SEMA5A: variants seen among roughly 807,000 people sequenced by gnomAD.
SEMA5A encodes semaphorin 5A, also known as semaphorin-5A.
In SEMA5A, 55 loss-of-function variants were observed where a neutral mutation model predicts 135.5. That is an observed-to-expected ratio of 0.41 (90% CI 0.33 to 0.51). The LOEUF is 0.51. Among genes scored for constraint, SEMA5A ranks in the 20% least tolerant of loss-of-function variants. The probability of loss-of-function intolerance (pLI) is 0.37; values close to 1 mark genes in which losing one functional copy is unlikely to be tolerated. For synonymous variants in SEMA5A, 580 were observed against 546.5 expected, an observed-to-expected ratio of 1.06 and a Z score of -0.85; for missense variants, 1,290 against 1,419.9, an observed-to-expected ratio of 0.91 and a Z score of 1.47.
rs200051910 is a variant in SEMA5A, at chr5:9,535,550, CTAGTT to C, written c.-175+10029_-175+10033del. ...GTGAAGAAAGCTTTAGAAAAAAATA[CTAGTT>C]TAAAGTATGTGTTGTTTAAAAAAAA... On this transcript the variant is annotated intron_variant, in intron 1 of 22. Coordinates refer to ENST00000382496, the MANE Select transcript of SEMA5A (RefSeq NM_003966.3). Among the ~76,000 whole-genome samples, 1,390 of 148,090 alleles carry C rather than the reference CTAGTT, an allele frequency of 9.4e-3. 22 individuals are homozygous for C. Among genetic ancestry groups the C allele is most frequent in the African/African-American group, 0.033 (1,311 of 39,522 alleles).
At chr5:9,515,798 G>A (rs559474585) in intron 1 of SEMA5A, among the ~76,000 whole-genome samples, 62 of 152,258 alleles carry the variant, frequency 4.1e-4, no homozygotes, top group South Asian at 2.1e-3. Flanking sequence ...ACTTAATCAT[G>A]GGATTTTAAT....
intron 10 of SEMA5A, among the ~76,000 whole-genome samples, chr5:9,191,278 C>T (rs1205919997): frequency 6.6e-6 from 1 of 152,082 alleles, no homozygotes; most frequent in Non-Finnish European, 1.5e-5. Flanking sequence ...CTGTACAATG[C>T]TGGGAAATAA....
chr5:9,336,880 C>T (rs1165029364), intron 4 of SEMA5A, among the ~76,000 whole-genome samples: 1 of 152,190 alleles, frequency 6.6e-6, no homozygotes, highest in Non-Finnish European at 1.5e-5. Context: ...ATAATGAACT[C>T]TCCACTGCCC....
chr5:9,405,971 G>T (rs902230189), intron 2 of SEMA5A, among the ~76,000 whole-genome samples: 1 of 152,186 alleles, frequency 6.6e-6, no homozygotes, highest in African/African-American at 2.4e-5. Flanking sequence ...ATGAATATCT[G>T]GGACCTGTCT....
intron 18 of SEMA5A, among the ~76,000 whole-genome samples, chr5:9,054,547 A>G (rs1484288106): frequency 6.6e-6 from 1 of 152,118 alleles, no homozygotes; most frequent in Non-Finnish European, 1.5e-5. Flanking sequence ...AATCAATCGT[A>G]TCTAAGTACA....
chr5:9,059,946 A>C (rs1432616307), intron 18 of SEMA5A, among the ~76,000 whole-genome samples: 1 of 152,236 alleles, frequency 6.6e-6, no homozygotes, highest in Non-Finnish European at 1.5e-5. Context: ...ACAGGGTTAA[A>C]GAAGAGTAAA....
intron 1 of SEMA5A, among the ~76,000 whole-genome samples, chr5:9,454,364 G>C (rs984457110): frequency 1.3e-5 from 2 of 152,178 alleles, no homozygotes; most frequent in Non-Finnish European, 2.9e-5. Flanking sequence ...TTACACTTGT[G>C]ATAATATATT....
intron 13 of SEMA5A, among the ~76,000 whole-genome samples, chr5:9,125,636 T>C (rs1428254328): frequency 6.6e-6 from 1 of 151,824 alleles, no homozygotes; most frequent in African/African-American, 2.4e-5. Flanking sequence ...ATACACTGGA[T>C]CCTACCCAAG....
intron 5 of SEMA5A, among the ~76,000 whole-genome samples, chr5:9,252,062 G>C (rs1011001091): frequency 6.6e-6 from 1 of 152,172 alleles, no homozygotes; most frequent in Non-Finnish European, 1.5e-5. Flanking sequence ...GAATGAGTTG[G>C]CAGGATCTCC....
intron 11 of SEMA5A, among the ~76,000 whole-genome samples, chr5:9,175,749 C>A (rs192184665): frequency 4.1e-4 from 62 of 152,326 alleles, no homozygotes; most frequent in African/African-American, 1.2e-3. Flanking sequence ...CAAACCAGAA[C>A]AATTTCTCCC....
chr5:9,352,353 T>G (rs1320840287), intron 3 of SEMA5A, among the ~76,000 whole-genome samples: 20 of 151,052 alleles, frequency 1.3e-4, no homozygotes, highest in Admixed American at 1.2e-3. Context: ...TATCTAGCTA[T>G]CTAGCTATCT....
At chr5:9,266,643 A>G (rs1805939) in intron 5 of SEMA5A, among the ~76,000 whole-genome samples, 45,760 of 152,120 alleles carry the variant, frequency 0.3, 7,272 homozygotes, top group Middle Eastern at 0.42. Flanking sequence ...ATAGCAATGA[A>G]ATAATTATAA....
intron 11 of SEMA5A, among the ~76,000 whole-genome samples, chr5:9,187,209 TA>T (rs201460141): frequency 6.0e-4 from 90 of 150,936 alleles, no homozygotes; most frequent in African/African-American, 1.8e-3. Context: ...GACTGTATGT[TA>T]AAAAAAAATA....
chr5:9,326,526 T>A lies in SEMA5A; in HGVS notation c.225-8109A>T, dbSNP rs1237597899. Among the ~76,000 whole-genome samples the A allele has an allele frequency of 2.6e-5, 4 of 151,952 alleles. No individual in the cohort carries two copies. The East Asian group carries it at 7.9e-4, about 30-fold the overall frequency. Reference sequence around the variant, plus strand: ...GCCTGGGCCTCCCAAAGTGCTGGGATTACAGGCATGAGGGAGGCCGAAGCA... The same window carrying A: ...GCCTGGGCCTCCCAAAGTGCTGGGAATACAGGCATGAGGGAGGCCGAAGCA... On this transcript the variant is annotated intron_variant, in intron 4 of 22. Transcript: ENST00000382496.
intron 2 of SEMA5A, among the ~76,000 whole-genome samples, chr5:9,397,516 C>A (rs1319594796): frequency 6.6e-6 from 1 of 152,170 alleles, no homozygotes; most frequent in African/African-American, 2.4e-5. Context: ...TTAGACATGA[C>A]AATGCAGGTC....
At chr5:9,094,508 C>A (rs1031583576) in intron 16 of SEMA5A, among the ~76,000 whole-genome samples, 1 of 152,154 alleles carries the variant, frequency 6.6e-6, no homozygotes, top group Non-Finnish European at 1.5e-5. Flanking sequence ...TGAAAACTGC[C>A]CAGCAAATGT....
At position 9,035,536 on chromosome 5, in the gene SEMA5A, A is replaced by G. The variant is rs1735601027; in HGVS notation, c.*7361T>C. 6.6e-6 allele frequency: 1 copy of G among 152,168 alleles called. No individual in the cohort carries two copies. The allele number at this position is 152,168 out of a possible 1,614,324, so 9.4% of individuals were successfully genotyped here. On this transcript the variant is annotated 3_prime_UTR_variant, in exon 23 of 23. Transcript: ENST00000382496. ...TTGGTGTCTTAAGCTGATTTCAGAA[A>G]ACAATGCATCTGTCAGATGTCATTA...
intron 11 of SEMA5A, among the ~76,000 whole-genome samples, chr5:9,172,561 G>T (rs1379222594): frequency 6.6e-6 from 1 of 151,808 alleles, no homozygotes; most frequent in East Asian, 1.9e-4. Context: ...ACTGTACTTG[G>T]GCATTCAAAA....
intron 8 of SEMA5A, among the ~76,000 whole-genome samples, chr5:9,221,454 C>T (rs193251910): frequency 0.029 from 4,462 of 151,654 alleles, 215 homozygotes; most frequent in East Asian, 0.16. Context: ...AGGCGCCCAC[C>T]ACCACGCCCG....
Sources: allele counts gnomAD v4.1 joint callset (sites outside exome capture counted in the v4.1 genomes callset), GRCh38; gene constraint gnomAD v4.1.1; transcripts MANE v1.5; gene names NCBI Gene and HGNC (gene_info 2026-07-23, HGNC 2026-07-21).